The following ZNF148 variants were observed in gnomAD, a reference collection of about 807,000 sequenced individuals.
ZNF148 encodes the protein zinc finger protein 148, also known as Beta-Enolase Repressor Factor-1.
Under a neutral mutation model 67.7 loss-of-function variants are expected in ZNF148, and 7 were observed. That is an observed-to-expected ratio of 0.10 (90% confidence interval 0.06 to 0.19). The LOEUF is 0.19. ZNF148 is among the 10% of genes least tolerant of loss of function. ZNF148 has a pLI of 1.00. For synonymous variants in ZNF148, 333 were observed against 330.7 expected (o/e 1.01, Z -0.08); for missense variants, 583 against 947.1 (o/e 0.62, Z 5.05).
intron 4 of ZNF148, among the ~76,000 whole-genome samples, chr3:125,299,210 T>C (rs1189150635): frequency 6.6e-6 from 1 of 152,228 alleles, no homozygotes; most frequent in Non-Finnish European, 1.5e-5. Flanking sequence ...CTAGGCTGAC[T>C]CTACATACCC....
At chr3:125,314,216 A>G (rs1940375426) in intron 3 of ZNF148, among the ~76,000 whole-genome samples, 1 of 152,176 alleles carries the variant, frequency 6.6e-6, no homozygotes, top group African/African-American at 2.4e-5. Context: ...TCATCTACTG[A>G]TAATAAAAGT....
At chr3:125,342,000 G>GAGC (rs1491297796) in intron 1 of ZNF148, among the ~76,000 whole-genome samples, 2 of 75,938 alleles carry the variant, frequency 2.6e-5, no homozygotes, top group Non-Finnish European at 2.8e-5. Context: ...GTTTCGGGGC[G>GAGC]GGGGGGGGAA....
intron 7 of ZNF148, among the ~76,000 whole-genome samples, chr3:125,262,750 G>A (rs1937398645): frequency 2.0e-5 from 3 of 152,194 alleles, no homozygotes; most frequent in South Asian, 2.1e-4. Context: ...ATATAATAGA[G>A]TAAATCAGAA....
chr3:125,243,513 C>T (rs538229016), intron 7 of ZNF148, among the ~76,000 whole-genome samples: 5 of 151,986 alleles, frequency 3.3e-5, no homozygotes, highest in African/African-American at 4.8e-5. Context: ...TGTGTACTTT[C>T]GTATGTTTCT....
Position 125,319,574 on chromosome 3 carries a change from T to C in ZNF148, c.-17+3735A>G, listed in dbSNP as rs79932790. On this transcript the variant is annotated intron_variant, in intron 3 of 8. Transcript: ENST00000360647. ...GAGTTTTATACAATTAATGAGGTCT[T>C]TCCAAATTAATATGTTTATGTCTGT... Among the ~76,000 whole-genome samples the C allele has an allele frequency of 2.5e-3, 386 of 152,340 alleles. 1 individual carries two copies. The highest frequency in any genetic ancestry group is 6.8e-3 in the Middle Eastern group (2 of 294).
At chr3:125,246,927 G>A (rs1391882097) in intron 7 of ZNF148, among the ~76,000 whole-genome samples, 1 of 152,146 alleles carries the variant, frequency 6.6e-6, no homozygotes, top group Non-Finnish European at 1.5e-5. Flanking sequence ...AGGTTGGAAA[G>A]ATCATTTATC....
At chr3:125,287,178 CA>C (rs779781260) in intron 5 of ZNF148, among the ~76,000 whole-genome samples, 20 of 151,902 alleles carry the variant, frequency 1.3e-4, no homozygotes, top group Non-Finnish European at 2.2e-4. Flanking sequence ...AAAAAGCCAT[CA>C]AAAAAATCAT....
At chr3:125,330,224 G>C (rs1941225560) in intron 2 of ZNF148, among the ~76,000 whole-genome samples, 1 of 152,118 alleles carries the variant, frequency 6.6e-6, no homozygotes, top group Non-Finnish European at 1.5e-5. Context: ...CAGCACTTTG[G>C]GAGGCCAAGG....
At chr3:125,328,550 C>T (rs1941129416) in intron 2 of ZNF148, among the ~76,000 whole-genome samples, 3 of 151,754 alleles carry the variant, frequency 2.0e-5, no homozygotes, top group Admixed American at 2.0e-4. Flanking sequence ...TAAATATACA[C>T]TATGTATGTT....
chr3:125,335,437 C>T (rs1219264569), intron 1 of ZNF148, among the ~76,000 whole-genome samples: 1 of 152,130 alleles, frequency 6.6e-6, no homozygotes. Flanking sequence ...GGTCTCAAAA[C>T]CAGCCTAAAT....
chr3:125,266,305 A>G (rs545658721), intron 7 of ZNF148, among the ~76,000 whole-genome samples: 49 of 151,956 alleles, frequency 3.2e-4, no homozygotes, highest in African/African-American at 1.1e-3. Flanking sequence ...ATATTCTAAG[A>G]TCAACCTCTT....
At position 125,233,219 on chromosome 3, in the gene ZNF148, C is replaced by T. The variant is rs779176411; in HGVS notation, c.1507G>A (p.Ala503Thr). ...TCATCAATGACACTTGCCACAGCTG[C>T]TTGTGTTACAGAAGGCTGAGAAGCT... ...TIASQPSVTQ[A>T]AVASVIDEST... Residue 503 changes from alanine to threonine, a missense_variant, in exon 9 of 9, where the codon GCA becomes ACA. By Grantham distance (58) the Ala-to-Thr change is moderately conservative (BLOSUM62 0). Coordinates refer to ENST00000360647, the MANE Select transcript of ZNF148 (RefSeq NM_021964.3). The surrounding 1 kb of genome is among the most constrained non-coding windows in gnomAD (Gnocchi z 5.1). The T allele has an allele frequency of 6.2e-7, 1 of 1,613,696 alleles. No homozygotes were observed. The highest frequency in any genetic ancestry group is 2.2e-5 in the East Asian group (1 of 44,888).
chr3:125,280,172 G>A (rs775420540), intron 5 of ZNF148, among the ~76,000 whole-genome samples: 6 of 152,010 alleles, frequency 3.9e-5, no homozygotes, highest in Non-Finnish European at 8.8e-5. Flanking sequence ...TGGGGCATAA[G>A]TACTGAATAA....
intron 5 of ZNF148, among the ~76,000 whole-genome samples, chr3:125,281,189 G>A (rs1216902653): frequency 6.6e-6 from 1 of 152,168 alleles, no homozygotes; most frequent in Non-Finnish European, 1.5e-5. Flanking sequence ...TCATGGAAGG[G>A]AAACATTTGG....
chr3:125,309,994 T>TAAC (rs1189048868), intron 4 of ZNF148, among the ~76,000 whole-genome samples: 1 of 151,434 alleles, frequency 6.6e-6, no homozygotes, highest in African/African-American at 2.4e-5. Context: ...CTACAACTAA[T>TAAC]AACAGAATGG....
In ZNF148 at chr3:125,226,235, T is replaced by G. The variant is rs1005016815; in HGVS notation, c.*6106A>C. ...AGGCCCTGATAATTGTTACCCAATT[T>G]GTGTAACTGTTAATTCCACACAGAA... On this transcript the variant is annotated 3_prime_UTR_variant, in exon 9 of 9. Coordinates refer to ENST00000360647, the MANE Select transcript of ZNF148 (RefSeq NM_021964.3). 1.3e-5 allele frequency: 2 copies of G among 152,658 alleles called. No individual in the cohort carries two copies. Among genetic ancestry groups the G allele is most frequent in the African/African-American group, 4.8e-5 (2 of 41,450 alleles). 9.5% of individuals were successfully genotyped at this position (152,658 alleles called of 1,614,324 possible).
rs183700313 is a variant in ZNF148 at position 125,263,408 on chromosome 3, G to A, written c.667+14318C>T. Among the ~76,000 whole-genome samples the A allele has an allele frequency of 9.3e-3, 1,412 of 152,132 alleles. 14 individuals carry two copies. Among genetic ancestry groups the A allele is most frequent in the Middle Eastern group, 0.031 (9 of 294 alleles). On this transcript the variant is annotated intron_variant, in intron 7 of 8. Transcript: ENST00000360647. ...TCTACTACAAATACAAAAATTAGCC[G>A]GGTGTGGTGGCATGCACCTGTAATC...
At chr3:125,255,329 C>A (rs552242820) in intron 7 of ZNF148, among the ~76,000 whole-genome samples, 9 of 145,842 alleles carry the variant, frequency 6.2e-5, no homozygotes, top group African/African-American at 2.1e-4. Flanking sequence ...TCACTGCAAC[C>A]TCTGCCTCCC....
At chr3:125,282,958 CTATAGGTTTT>C (rs1255736145) in intron 5 of ZNF148, among the ~76,000 whole-genome samples, 1 of 152,098 alleles carries the variant, frequency 6.6e-6, no homozygotes, top group Non-Finnish European at 1.5e-5. Flanking sequence ...AAACTAAACA[CTATAGGTTTT>C]TATCATATAT....
Sources: allele counts gnomAD v4.1 joint callset (sites outside exome capture counted in the v4.1 genomes callset), GRCh38; gene constraint gnomAD v4.1.1; non-coding constraint Gnocchi (gnomAD v3.1); transcripts MANE v1.5; gene names NCBI Gene and HGNC (gene_info 2026-07-23, HGNC 2026-07-21).